The following NRXN3 variants were observed in gnomAD, a reference collection of about 807,000 sequenced individuals.
NRXN3 encodes neurexin III.
In NRXN3, 32 loss-of-function variants were observed where a neutral mutation model predicts 137.6. The observed-to-expected ratio is 0.23, with a 90% confidence interval of 0.18 to 0.31. The LOEUF (loss-of-function observed/expected upper bound fraction) is 0.31, where lower values mean the gene tolerates loss of function less well. Ranked by LOEUF, NRXN3 falls within the 10% of genes least tolerant of loss-of-function variation. NRXN3 has a pLI of 1.00. For missense variants in NRXN3, 1,574 were observed against 2,062.5 expected, an observed-to-expected ratio of 0.76 and a Z score of 4.59; for synonymous variants, 798 against 784.5, an observed-to-expected ratio of 1.02 and a Z score of -0.29.
chr14:79,059,250 C>CTTTTTTTTTTTTTTTTTTTTTTTTT lies in NRXN3; in HGVS notation c.3262+71110_3262+71134dup, dbSNP rs869266975. Among the ~76,000 whole-genome samples, 69 of 78,278 alleles carry CTTTTTTTTTTTTTTTTTTTTTTTTT rather than the reference C, an allele frequency of 8.8e-4. 4 individuals are homozygous for CTTTTTTTTTTTTTTTTTTTTTTTTT. Among genetic ancestry groups the CTTTTTTTTTTTTTTTTTTTTTTTTT allele is most frequent in the Non-Finnish European group, 1.2e-3 (49 of 40,672 alleles). The allele number at this position is 78,278 out of a possible 152,430, so 51.4% of individuals were successfully genotyped here. A position where few individuals can be genotyped will look rare whatever the true frequency, so the allele number is the denominator to read the frequency against. ...AAGAAGGCTGCCTTCAGGCCCTATTCTTTTTTTTTTTTTTTTTTTTTTTTT... is the reference window on the plus strand; with the variant it reads ...AAGAAGGCTGCCTTCAGGCCCTATTCTTTTTTTTTTTTTTTTTTTTTTTTTTTTTTTTTTTTTTTTTTTTTTTTTT... On this transcript the variant is annotated intron_variant, in intron 15 of 20. Coordinates refer to ENST00000335750, the MANE Select transcript of NRXN3 (RefSeq NM_001330195.2).
chr14:79,709,611 G>A (rs532192823), intron 19 of NRXN3, among the ~76,000 whole-genome samples: 1 of 152,268 alleles, frequency 6.6e-6, no homozygotes, highest in South Asian at 2.1e-4. Flanking sequence ...ACCATCTTAA[G>A]CAGTATAAAT....
At chr14:79,784,943 A>G (rs991519865) in intron 19 of NRXN3, among the ~76,000 whole-genome samples, 1 of 152,156 alleles carries the variant, frequency 6.6e-6, no homozygotes, top group Admixed American at 6.5e-5. Flanking sequence ...ATTCAGTTGC[A>G]AGACAGAAAA....
At chr14:79,779,364 C>T (rs1282040401) in intron 19 of NRXN3, among the ~76,000 whole-genome samples, 2 of 152,102 alleles carry the variant, frequency 1.3e-5, no homozygotes, top group Non-Finnish European at 2.9e-5. Flanking sequence ...CCGCCCACCT[C>T]GGCCTCCCAA....
At chr14:79,639,506 T>C (rs1278666633) in intron 16 of NRXN3, among the ~76,000 whole-genome samples, 1 of 152,154 alleles carries the variant, frequency 6.6e-6, no homozygotes, top group East Asian at 1.9e-4. Context: ...TTTAAATATG[T>C]GTCCTGATTA....
At chr14:79,501,374 G>A (rs759241607) in intron 16 of NRXN3, among the ~76,000 whole-genome samples, 13 of 152,020 alleles carry the variant, frequency 8.6e-5, no homozygotes, top group Admixed American at 2.6e-4. Flanking sequence ...TTATTATTAA[G>A]CGTACATCTT....
chr14:78,236,437 T>C (rs1442208024), intron 1 of NRXN3, among the ~76,000 whole-genome samples: 3 of 152,356 alleles, frequency 2.0e-5, no homozygotes, highest in South Asian at 2.1e-4. Context: ...CTGTATAGTA[T>C]TTTGCATGAA....
intron 9 of NRXN3, among the ~76,000 whole-genome samples, chr14:78,805,653 A>G (rs1176666460): frequency 6.6e-6 from 1 of 152,126 alleles, no homozygotes; most frequent in Non-Finnish European, 1.5e-5. Context: ...TCACTGAAAA[A>G]GATGATGAAG....
At chr14:79,740,447 C>T (rs893012579) in intron 19 of NRXN3, among the ~76,000 whole-genome samples, 2 of 151,800 alleles carry the variant, frequency 1.3e-5, no homozygotes, top group African/African-American at 4.8e-5. Flanking sequence ...CTTCACAATG[C>T]AGCCTGAGTC....
At chr14:79,075,209 C>T (rs1224906773) in intron 15 of NRXN3, among the ~76,000 whole-genome samples, 3 of 152,054 alleles carry the variant, frequency 2.0e-5, no homozygotes, top group African/African-American at 7.2e-5. Context: ...TTTCATTTGA[C>T]CACTAGATTT....
chr14:79,637,879 G>A (rs1390188883), intron 16 of NRXN3, among the ~76,000 whole-genome samples: 2 of 151,490 alleles, frequency 1.3e-5, no homozygotes, highest in African/African-American at 2.4e-5. Flanking sequence ...ACAGGTGTGC[G>A]CCACCATGCC....
intron 4 of NRXN3, among the ~76,000 whole-genome samples, chr14:78,326,793 G>A (rs1034283546): frequency 2.0e-5 from 3 of 152,170 alleles, no homozygotes; most frequent in Non-Finnish European, 4.4e-5. Flanking sequence ...AACACATAAA[G>A]ATGATTACTG....
rs149190708 is a variant in NRXN3 at position 79,364,208 on chromosome 14, T to G, written c.3263-103013T>G. Among the ~76,000 whole-genome samples, 643 of 152,338 alleles carry G rather than the reference T, an allele frequency of 4.2e-3. 7 individuals carry two copies. Among genetic ancestry groups the G allele is most frequent in the Middle Eastern group, 0.01 (3 of 294 alleles). ...CTGTCTTCTATAATTCTAGATAAAA[T>G]TATGACATGACTTAAAATATCCTCC... On this transcript the variant is annotated intron_variant, in intron 15 of 20. Transcript: ENST00000335750.
intron 4 of NRXN3, among the ~76,000 whole-genome samples, chr14:78,309,271 A>G (rs77854590): frequency 0.047 from 7,095 of 151,788 alleles, 509 homozygotes; most frequent in African/African-American, 0.16. Context: ...TTCCAAAAAA[A>G]TTTTGAGAAA....
chr14:79,408,752 G>C (rs2095360141), intron 15 of NRXN3, among the ~76,000 whole-genome samples: 1 of 151,802 alleles, frequency 6.6e-6, no homozygotes, highest in African/African-American at 2.4e-5. Flanking sequence ...ATATTTCCAG[G>C]CTCATTCTTC....
At chr14:78,329,956 A>G (rs2080587533) in intron 4 of NRXN3, among the ~76,000 whole-genome samples, 1 of 152,074 alleles carries the variant, frequency 6.6e-6, no homozygotes. Flanking sequence ...TACACATACA[A>G]TGGTTATTAT....
At chr14:79,709,521 C>A (rs1567966805) in intron 19 of NRXN3, among the ~76,000 whole-genome samples, 1 of 152,182 alleles carries the variant, frequency 6.6e-6, no homozygotes, top group African/African-American at 2.4e-5. Context: ...ATTTATCCCC[C>A]TTTCTGAGAG....
chr14:79,715,439 G>A (rs1376029605), intron 19 of NRXN3, among the ~76,000 whole-genome samples: 1 of 152,152 alleles, frequency 6.6e-6, no homozygotes, highest in African/African-American at 2.4e-5. Flanking sequence ...TATATTTTGG[G>A]TTTAGCTTTC....
intron 4 of NRXN3, among the ~76,000 whole-genome samples, chr14:78,606,992 A>G (rs147687410): frequency 5.9e-5 from 9 of 152,272 alleles, no homozygotes; most frequent in African/African-American, 2.2e-4. Context: ...CCTGTTCCCC[A>G]TCCTCCTAGG....
At chr14:79,357,158 G>A (rs1467262895) in intron 15 of NRXN3, among the ~76,000 whole-genome samples, 1 of 152,106 alleles carries the variant, frequency 6.6e-6, no homozygotes, top group Non-Finnish European at 1.5e-5. Flanking sequence ...CACTATGAAT[G>A]GGATATTATA....
Sources: allele counts gnomAD v4.1 joint callset (sites outside exome capture counted in the v4.1 genomes callset), GRCh38; gene constraint gnomAD v4.1.1; transcripts MANE v1.5; gene names NCBI Gene and HGNC (gene_info 2026-07-23, HGNC 2026-07-21).